SERINC1: variants seen among roughly 807,000 people sequenced by gnomAD.
The protein encoded by SERINC1 is serine incorporator 1.
SERINC1 carries 38 observed loss-of-function variants against 52.9 expected under a neutral mutation model. The observed-to-expected ratio is 0.72, with a 90% confidence interval of 0.55 to 0.94. The LOEUF is 0.94. Ranked by LOEUF, SERINC1 falls within the 40% of genes least tolerant of loss-of-function variation. SERINC1 has a pLI of 0.00. For synonymous variants in SERINC1, 198 were observed against 183.1 expected (o/e 1.08, Z -0.66); for missense variants, 471 against 533.9 (o/e 0.88, Z 1.16).
At chr6:122,448,636 A>G (rs1774850297) in intron 7 of SERINC1, among the ~76,000 whole-genome samples, 1 of 152,198 alleles carries the variant, frequency 6.6e-6, no homozygotes, top group Admixed American at 6.5e-5. Context: ...ATAATGTGAA[A>G]AAATTATACT....
At chr6:122,456,202 G>C (rs927178047) in intron 3 of SERINC1, among the ~76,000 whole-genome samples, 1 of 152,106 alleles carries the variant, frequency 6.6e-6, no homozygotes, top group Non-Finnish European at 1.5e-5. Context: ...AGTAGAAGGA[G>C]AAATAGCTAT....
rs1774727935 is a variant in SERINC1 at position 122,444,509 on chromosome 6, CCTACA to C, written c.*530_*534del. 1 of 152,356 alleles carries C rather than the reference CCTACA, an allele frequency of 6.6e-6. No homozygotes were observed. The allele number at this position is 152,356 out of a possible 1,614,324, so 9.4% of individuals were successfully genotyped here. ...TTAGTACCGACACCTCCATCCATAACCTACACTATTGTCCACTAAACACTCCCTAC... is the reference window on the plus strand; with the variant it reads ...TTAGTACCGACACCTCCATCCATAACCTATTGTCCACTAAACACTCCCTAC... On this transcript the variant is annotated 3_prime_UTR_variant, in exon 10 of 10. Transcript: ENST00000339697.
At chr6:122,468,103 T>C (rs1775217306) in intron 1 of SERINC1, among the ~76,000 whole-genome samples, 2 of 152,184 alleles carry the variant, frequency 1.3e-5, no homozygotes, top group Non-Finnish European at 2.9e-5. Flanking sequence ...TTAAAAATGA[T>C]ACAATTAATT....
At chr6:122,461,917 CA>C (rs1334623578) in intron 1 of SERINC1, among the ~76,000 whole-genome samples, 1 of 151,928 alleles carries the variant, frequency 6.6e-6, no homozygotes, top group Non-Finnish European at 1.5e-5. Context: ...CCAAAGACAT[CA>C]TAAGAAAATA....
Position 122,444,964 on chromosome 6 carries a change from T to C in SERINC1, c.*80A>G, listed in dbSNP as rs774496738. On this transcript the variant is annotated 3_prime_UTR_variant, in exon 10 of 10. Transcript: ENST00000339697. Reference sequence around the variant, plus strand: ...AGAAGTTACATGGGAAGCAAAAACATACACAACTTTACAAAAGTTGGGAAT... The same window carrying C: ...AGAAGTTACATGGGAAGCAAAAACACACACAACTTTACAAAAGTTGGGAAT... 1.4e-6 allele frequency: 2 copies of C among 1,411,190 alleles called. No homozygotes were observed. The highest frequency in any genetic ancestry group is 1.9e-6 in the Non-Finnish European group (2 of 1,027,508). The allele number at this position is 1,411,190 out of a possible 1,614,324, so 87.4% of individuals were successfully genotyped here.
Position 122,447,984 on chromosome 6 carries a change from T to C in SERINC1, c.851-719A>G, listed in dbSNP as rs181367719. 3.8e-4 allele frequency among the ~76,000 whole-genome samples: 58 copies of C among 151,848 alleles called. 1 individual carries two copies. On this transcript the variant is annotated intron_variant, in intron 7 of 9. Coordinates refer to ENST00000339697, the MANE Select transcript of SERINC1 (RefSeq NM_020755.4). ...CAAAAATCAGCTGGGCGTGGTGGCATGTGCCTGTAGTCCCAGCTACTCGGG... is the reference window on the plus strand; with the variant it reads ...CAAAAATCAGCTGGGCGTGGTGGCACGTGCCTGTAGTCCCAGCTACTCGGG...
intron 1 of SERINC1, among the ~76,000 whole-genome samples, chr6:122,466,599 G>T (rs1775197487): frequency 6.6e-6 from 1 of 152,074 alleles, no homozygotes; most frequent in Non-Finnish European, 1.5e-5. Flanking sequence ...CTCCCAAAGT[G>T]CTAAGATTAT....
intron 7 of SERINC1, 77 bp from the exon 8 acceptor site, chr6:122,447,342 ACT>A: frequency 9.0e-7 from 1 of 1,110,974 alleles, no homozygotes; most frequent in East Asian, 2.4e-5. Context: ...GTTATTTTTA[ACT>A]CTCTATACCC....
At chr6:122,448,275 A>C (rs1458877604) in intron 7 of SERINC1, among the ~76,000 whole-genome samples, 3 of 152,190 alleles carry the variant, frequency 2.0e-5, no homozygotes, top group Non-Finnish European at 2.9e-5. Flanking sequence ...CAAACTACTA[A>C]TAATTTTTTT....
At chr6:122,455,830 GT>G (rs1472686917) in intron 3 of SERINC1, among the ~76,000 whole-genome samples, 2 of 152,124 alleles carry the variant, frequency 1.3e-5, no homozygotes, top group East Asian at 3.9e-4. Flanking sequence ...TAAATGAATA[GT>G]TTTTATAAAC....
rs973443252 is a variant in SERINC1, at chr6:122,444,356, C to T, written c.*688G>A. 6.6e-6 allele frequency: 1 copy of T among 152,264 alleles called. No homozygotes were observed. The highest frequency in any genetic ancestry group is 2.4e-5 in the African/African-American group (1 of 41,470). 9.4% of individuals were successfully genotyped at this position (152,264 alleles called of 1,614,324 possible). A position where few individuals can be genotyped will look rare whatever the true frequency, so the allele number is the denominator to read the frequency against. The stretch of plus-strand genomic sequence containing the variant: ...ATGATTATCCTTTTCAAAACCTTGT[C>T]TAAATCCTTCAGAGTTCCAAACATT... On this transcript the variant is annotated 3_prime_UTR_variant, in exon 10 of 10. Coordinates refer to ENST00000339697, the MANE Select transcript of SERINC1 (RefSeq NM_020755.4).
chr6:122,451,751 A>C lies in SERINC1; in HGVS notation c.763T>G (p.Ser255Ala). Residue 255 changes from serine (S) to alanine (A), a missense_variant, in exon 7 of 10, where the codon TCA (serine) becomes GCA (alanine). Transcript: ENST00000339697. ...TGTAACAAACCAGATCTTGGTTGTGATTCCTACAAAAAAAAAAAAAAAAAA... is the reference window on the plus strand; with the variant it reads ...TGTAACAAACCAGATCTTGGTTGTGCTTCCTACAAAAAAAAAAAAAAAAAA... Reference protein sequence around the residue: ...VMSILPKIQESQPRSGLLQSS... With the variant: ...VMSILPKIQEAQPRSGLLQSS... 1.8e-6 allele frequency: 1 copy of C among 560,312 alleles called. No homozygotes were observed. Among genetic ancestry groups the C allele is most frequent in the Non-Finnish European group, 2.6e-6 (1 of 381,248 alleles). The allele number at this position is 560,312 out of a possible 1,614,324, so 34.7% of individuals were successfully genotyped here. A position where few individuals can be genotyped will look rare whatever the true frequency, so the allele number is the denominator to read the frequency against.
At position 122,451,758 on chromosome 6, in the gene SERINC1, C is replaced by CA. The variant is rs750920534; in HGVS notation, c.760-5dup. ...AACCAGATCTTGGTTGTGATTCCTA[C>CA]AAAAAAAAAAAAAAAAAAATATATA... On this transcript the variant is annotated splice_region_variant and splice_polypyrimidine_tract_variant and intron_variant, in intron 6 of 9. Coordinates refer to ENST00000339697, the MANE Select transcript of SERINC1 (RefSeq NM_020755.4). 1,855 of 88,142 alleles carry CA rather than the reference C, an allele frequency of 0.021. 22 individuals carry two copies. Among genetic ancestry groups the CA allele is most frequent in the East Asian group, 0.11 (411 of 3,678 alleles). The allele number at this position is 88,142 out of a possible 1,614,324, so 5.5% of individuals were successfully genotyped here. A position where few individuals can be genotyped will look rare whatever the true frequency, so the allele number is the denominator to read the frequency against.
At chr6:122,464,445 G>T (rs996350626) in intron 1 of SERINC1, among the ~76,000 whole-genome samples, 10 of 152,108 alleles carry the variant, frequency 6.6e-5, no homozygotes, top group African/African-American at 2.4e-4. Flanking sequence ...GACTTATCTG[G>T]TTATTTAATT....
intron 5 of SERINC1, among the ~76,000 whole-genome samples, chr6:122,453,343 T>G (rs1476068644): frequency 5.9e-5 from 9 of 152,226 alleles, no homozygotes. Context: ...TGCACTTGAA[T>G]AAAACATCCG....
At chr6:122,465,886 AT>A (rs950036490) in intron 1 of SERINC1, among the ~76,000 whole-genome samples, 8 of 152,130 alleles carry the variant, frequency 5.3e-5, no homozygotes, top group African/African-American at 1.4e-4. Flanking sequence ...AAAAATAAAG[AT>A]TTTTTTAAAA....
At position 122,443,536 on chromosome 6, in the gene SERINC1, A is replaced by G. The variant is rs966548974; in HGVS notation, c.*1508T>C. The G allele has an allele frequency of 6.6e-6, 1 of 152,228 alleles. No homozygotes were observed. 9.4% of individuals were successfully genotyped at this position (152,228 alleles called of 1,614,324 possible). On this transcript the variant is annotated 3_prime_UTR_variant, in exon 10 of 10. Transcript: ENST00000339697. ...CATTAGACACTAGTGACACATACAA[A>G]TAACTAAACTCTCATACTGCTTGAT...
chr6:122,470,721 G>A (rs1582640189), intron 1 of SERINC1, among the ~76,000 whole-genome samples: 1 of 151,968 alleles, frequency 6.6e-6, no homozygotes, highest in Admixed American at 6.5e-5. Context: ...TATATATAAC[G>A]GAATCATTTG....
intron 3 of SERINC1, 140 bp from the exon 4 acceptor site, chr6:122,454,370 G>A: frequency 1.7e-6 from 1 of 581,988 alleles, no homozygotes; most frequent in Non-Finnish European, 3.1e-6. Flanking sequence ...TTATGATCTG[G>A]AGTGTAGCCA....
Sources: gnomAD v4.1 joint callset for allele counts (sites outside exome capture counted in the v4.1 genomes callset) on GRCh38, gnomAD v4.1.1 for gene constraint, MANE v1.5 for transcripts, NCBI Gene and HGNC (gene_info 2026-07-23, HGNC 2026-07-21) for gene names.